The following TENM2 variants were observed in gnomAD, a reference collection of about 807,000 sequenced individuals.
TENM2 encodes teneurin-2.
TENM2 carries 52 observed loss-of-function variants against 245.2 expected under a neutral mutation model. That is an observed-to-expected ratio of 0.21 (90% confidence interval 0.17 to 0.27). TENM2 has a LOEUF of 0.27. Ranked by LOEUF, TENM2 falls within the 10% of genes least tolerant of loss-of-function variation. The probability of loss-of-function intolerance (pLI) is 1.00; values close to 1 mark genes in which losing one functional copy is unlikely to be tolerated. For synonymous variants in TENM2, 1,363 were observed against 1,438.9 expected (o/e 0.95, Z 1.19); for missense variants, 3,046 against 3,666.8 (o/e 0.83, Z 4.37).
At chr5:167,861,461 G>C (rs1161648380) in intron 2 of TENM2, among the ~76,000 whole-genome samples, 1 of 152,186 alleles carries the variant, frequency 6.6e-6, no homozygotes, top group East Asian at 1.9e-4. Context: ...ACTCTCCCCA[G>C]AGCCTAAGAG....
At chr5:167,647,499 T>G (rs916529855) in intron 2 of TENM2, among the ~76,000 whole-genome samples, 1 of 151,888 alleles carries the variant, frequency 6.6e-6, no homozygotes, top group Non-Finnish European at 1.5e-5. Context: ...GGTGAGTGCC[T>G]GTAGTCCCAC....
chr5:167,840,073 G>A (rs765194897), intron 2 of TENM2, among the ~76,000 whole-genome samples: 3 of 152,218 alleles, frequency 2.0e-5, no homozygotes, highest in East Asian at 1.9e-4. Flanking sequence ...CACCCGCCTC[G>A]GCCTCCCAAA....
the TENM2 span, among the ~76,000 whole-genome samples, chr5:167,135,514 C>T: frequency 3.3e-5 from 5 of 152,128 alleles, no homozygotes; most frequent in African/African-American, 9.7e-5. Flanking sequence ...CAGTGGCTCA[C>T]GCCTGTAATC....
At chr5:168,156,970 G>A (rs1581478103) in intron 12 of TENM2, among the ~76,000 whole-genome samples, 6 of 152,106 alleles carry the variant, frequency 3.9e-5, no homozygotes, top group Admixed American at 3.9e-4. Context: ...TAATGACAAC[G>A]GGCACATTTA....
intron 2 of TENM2, among the ~76,000 whole-genome samples, chr5:167,673,616 T>C (rs1756110812): frequency 6.6e-6 from 1 of 152,130 alleles, no homozygotes; most frequent in Non-Finnish European, 1.5e-5. Context: ...TAGTCTGTGA[T>C]TGAAAAGAAA....
chr5:167,200,137 A>G, the TENM2 span, among the ~76,000 whole-genome samples: 1 of 152,006 alleles, frequency 6.6e-6, no homozygotes, highest in Non-Finnish European at 1.5e-5. Context: ...TAAGACAGAA[A>G]TACCTTTCTA....
intron 2 of TENM2, among the ~76,000 whole-genome samples, chr5:167,507,801 ATGT>A (rs1769656268): frequency 6.6e-6 from 1 of 152,210 alleles, no homozygotes; most frequent in Non-Finnish European, 1.5e-5. Flanking sequence ...TTACCATGGA[ATGT>A]GAATTTCTTT....
chr5:167,895,359 G>A (rs891700630), intron 3 of TENM2, among the ~76,000 whole-genome samples: 1 of 152,140 alleles, frequency 6.6e-6, no homozygotes, highest in African/African-American at 2.4e-5. Flanking sequence ...CTGTGCCCTA[G>A]GCACTGTACT....
At chr5:167,159,124 G>A in the TENM2 span, among the ~76,000 whole-genome samples, 1 of 151,580 alleles carries the variant, frequency 6.6e-6, no homozygotes, top group East Asian at 1.9e-4. Context: ...TGTATTTTCA[G>A]TAGAGACTGG....
intron 10 of TENM2, among the ~76,000 whole-genome samples, chr5:168,123,692 G>A (rs1014818498): frequency 2.0e-5 from 3 of 152,302 alleles, no homozygotes; most frequent in Non-Finnish European, 2.9e-5. Flanking sequence ...CCGTGAAAAC[G>A]GGAGAAATAT....
intron 2 of TENM2, among the ~76,000 whole-genome samples, chr5:167,567,631 A>G (rs974582996): frequency 1.6e-4 from 25 of 152,134 alleles, no homozygotes; most frequent in Admixed American, 1.4e-3. Flanking sequence ...AAGAATCTCA[A>G]TTTGTTGGGA....
intron 2 of TENM2, among the ~76,000 whole-genome samples, chr5:167,441,228 C>T (rs1189950283): frequency 6.6e-6 from 1 of 152,150 alleles, no homozygotes; most frequent in East Asian, 1.9e-4. Flanking sequence ...CAGCTAAAGG[C>T]ACCTTTTGCC....
chr5:168,198,111 C>A (rs995060307), intron 15 of TENM2, among the ~76,000 whole-genome samples: 3 of 151,788 alleles, frequency 2.0e-5, no homozygotes, highest in Non-Finnish European at 4.4e-5. Context: ...TCACCAACAA[C>A]TCAGCTCTGC....
intron 21 of TENM2, among the ~76,000 whole-genome samples, chr5:168,215,585 C>T (rs1464558316): frequency 1.3e-5 from 2 of 152,180 alleles, no homozygotes; most frequent in South Asian, 2.1e-4. Flanking sequence ...AGGAGAATGG[C>T]GTGAACCCGG....
intron 2 of TENM2, among the ~76,000 whole-genome samples, chr5:167,593,351 A>G (rs915553436): frequency 2.0e-5 from 3 of 152,206 alleles, no homozygotes; most frequent in Non-Finnish European, 4.4e-5. Context: ...CACCTTGGAA[A>G]AGCTTTCCAT....
intron 5 of TENM2, among the ~76,000 whole-genome samples, chr5:167,999,355 T>C (rs750150562): frequency 7.2e-5 from 11 of 152,252 alleles, no homozygotes; most frequent in Non-Finnish European, 1.6e-4. Context: ...CCAGTCATAT[T>C]ATCTATGCCA....
intron 2 of TENM2, among the ~76,000 whole-genome samples, chr5:167,683,801 T>C (rs1227298261): frequency 6.6e-6 from 1 of 152,218 alleles, no homozygotes; most frequent in Non-Finnish European, 1.5e-5. Flanking sequence ...ACAATCGATC[T>C]ATGAATGGCC....
chr5:168,168,225 C>G, intron 13 of TENM2, among the ~76,000 whole-genome samples: 1 of 152,172 alleles, frequency 6.6e-6, no homozygotes, highest in East Asian at 1.9e-4. Flanking sequence ...CTGCAGATGA[C>G]ATTTTGAGAT....
intron 9 of TENM2, among the ~76,000 whole-genome samples, chr5:168,112,440 C>A (rs1794735675): frequency 6.6e-6 from 1 of 152,076 alleles, no homozygotes; most frequent in Non-Finnish European, 1.5e-5. Context: ...GTGTTCTCAT[C>A]ATTTAGCTCC....
Sources: gnomAD v4.1 joint callset for allele counts (sites outside exome capture counted in the v4.1 genomes callset) on GRCh38, gnomAD v4.1.1 for gene constraint, MANE v1.5 for transcripts, NCBI Gene and HGNC (gene_info 2026-07-23, HGNC 2026-07-21) for gene names.